Variants in BMP3 observed in about 807,000 individuals in gnomAD.
BMP3 encodes bone morphogenetic protein 3, also known as bone morphogenetic protein 3 (osteogenic).
Under a neutral mutation model 38.1 loss-of-function variants are expected in BMP3, and 23 were observed. The ratio of observed to expected loss-of-function variants is 0.60; its 90% CI spans 0.43 to 0.86. The LOEUF (loss-of-function observed/expected upper bound fraction) is 0.86. BMP3 is among the 40% of genes least tolerant of loss of function. The pLI is 0.00. For synonymous variants in BMP3, 258 were observed against 225.7 expected, an observed-to-expected ratio of 1.14 and a Z score of -1.28; for missense variants, 628 against 579.6, an observed-to-expected ratio of 1.08 and a Z score of -0.86.
rs914239831 is a variant in BMP3, at chr4:81,030,992, C to G, written c.-293C>G. 8 of 419,910 alleles carry G rather than the reference C, an allele frequency of 1.9e-5. No individual in the cohort carries two copies. Among genetic ancestry groups the G allele is most frequent in the Non-Finnish European group, 3.0e-5 (7 of 236,566 alleles). The allele number at this position is 419,910 out of a possible 1,614,324, so 26.0% of individuals were successfully genotyped here. ...ATCTTGAAAACACCCGGGCCACACA[C>G]GCCGCGACCTACAGCTCTTTCTCAG... On this transcript the variant is annotated 5_prime_UTR_variant, in exon 1 of 3. Transcript: ENST00000282701.
In BMP3 at chr4:81,054,894, C is replaced by T. The variant is rs1298309115; in HGVS notation, c.*1358C>T. Reference sequence around the variant, plus strand: ...CTGTGGTTAATCCTCATTTTAGTTCCGTCTTATCTGATACTTAGAAATATC... The same window carrying T: ...CTGTGGTTAATCCTCATTTTAGTTCTGTCTTATCTGATACTTAGAAATATC... On this transcript the variant is annotated 3_prime_UTR_variant, in exon 3 of 3. Coordinates refer to ENST00000282701, the MANE Select transcript of BMP3 (RefSeq NM_001201.5). 3.9e-5 allele frequency: 6 copies of T among 152,244 alleles called. No individual in the cohort carries two copies. The East Asian group carries it at 9.6e-4, about 24-fold the overall frequency. The allele number at this position is 152,244 out of a possible 1,614,324, so 9.4% of individuals were successfully genotyped here.
intron 2 of BMP3, among the ~76,000 whole-genome samples, chr4:81,052,131 C>T (rs1740413058): frequency 6.6e-6 from 1 of 151,610 alleles, no homozygotes; most frequent in Non-Finnish European, 1.5e-5. Context: ...ATTAAAATAC[C>T]AATCCACTGG....
At chr4:81,047,467 A>G (rs941027233) in intron 2 of BMP3, among the ~76,000 whole-genome samples, 1 of 151,968 alleles carries the variant, frequency 6.6e-6, no homozygotes, top group Non-Finnish European at 1.5e-5. Context: ...ATAGTAAAAT[A>G]TAGTGGCACT....
At chr4:81,036,082 T>G (rs965142516) in intron 1 of BMP3, among the ~76,000 whole-genome samples, 4 of 152,052 alleles carry the variant, frequency 2.6e-5, no homozygotes, top group African/African-American at 9.7e-5. Flanking sequence ...TTTAGATATC[T>G]TCTGTCATTA....
chr4:81,032,216 A>AAAC (rs1739798348), intron 1 of BMP3, among the ~76,000 whole-genome samples: 1 of 141,554 alleles, frequency 7.1e-6, no homozygotes, highest in Admixed American at 7.0e-5. Flanking sequence ...AAAAAAAAAA[A>AAAC]AAAACAGGTG....
chr4:81,034,420 G>T (rs1432445784), intron 1 of BMP3, among the ~76,000 whole-genome samples: 1 of 152,118 alleles, frequency 6.6e-6, no homozygotes, highest in Non-Finnish European at 1.5e-5. Context: ...GGTTTAAGTT[G>T]TCTCTGGCTA....
At position 81,044,177 on chromosome 4, in the gene BMP3, A is replaced by C. The variant is rs151005681; in HGVS notation, c.317-1561A>C. Reference sequence around the variant, plus strand: ...ACCCTGTGTTTGTAGCCCGTAGGCTATACGTGCCTCAGATAAAAAGCTATT... The same window carrying C: ...ACCCTGTGTTTGTAGCCCGTAGGCTCTACGTGCCTCAGATAAAAAGCTATT... On this transcript the variant is annotated intron_variant, in intron 1 of 2. Coordinates refer to ENST00000282701, the MANE Select transcript of BMP3 (RefSeq NM_001201.5). 7.0e-3 allele frequency among the ~76,000 whole-genome samples: 1,073 copies of C among 152,286 alleles called. 31 individuals carry two copies. The highest frequency in any genetic ancestry group is 5.2e-3 in the Non-Finnish European group (356 of 68,022).
At chr4:81,046,710 C>A in intron 2 of BMP3, 62 bp downstream of exon 2, 2 of 1,522,062 alleles carry the variant, frequency 1.3e-6, no homozygotes, top group Admixed American at 2.0e-5. Context: ...GACACATTGA[C>A]TAAGTTAGTG....
Position 81,046,589 on chromosome 4 carries a change from TCCC to T in BMP3, c.1171_1173del (p.Pro391del). 1 of 1,613,956 alleles carries T rather than the reference TCCC, an allele frequency of 6.2e-7. No individual in the cohort carries two copies. Among genetic ancestry groups the T allele is most frequent in the Non-Finnish European group, 8.5e-7 (1 of 1,179,962 alleles). ...TATTGGCTGGAGTGAATGGATTATC[TCCC>T]CCAAGTCCTTTGATGCCTATTATTG... On this transcript the variant is annotated inframe_deletion, in exon 2 of 3. Coordinates refer to ENST00000282701, the MANE Select transcript of BMP3 (RefSeq NM_001201.5).
rs60606505 is a variant in BMP3 at position 81,053,601 on chromosome 4, GTTTTTTTT to G, written c.*78_*85del. 2.0e-5 allele frequency: 7 copies of G among 357,138 alleles called. No individual in the cohort carries two copies. The highest frequency in any genetic ancestry group is 1.1e-4 in the South Asian group (1 of 9,478). 22.1% of individuals were successfully genotyped at this position (357,138 alleles called of 1,614,324 possible). ...AGTTTATTTTTATGGACTTCTTCCT[GTTTTTTTT>G]TTTTTTTTTTTTGCACTGCCAATGC... is the stretch of plus-strand genomic sequence containing the variant. On this transcript the variant is annotated 3_prime_UTR_variant, in exon 3 of 3. Transcript: ENST00000282701.
At chr4:81,047,714 T>C (rs1740294336) in intron 2 of BMP3, among the ~76,000 whole-genome samples, 1 of 152,070 alleles carries the variant, frequency 6.6e-6, no homozygotes, top group Admixed American at 6.6e-5. Flanking sequence ...AAATAGCGTT[T>C]TCATGTTCTA....
intron 2 of BMP3, among the ~76,000 whole-genome samples, chr4:81,050,689 C>A (rs1238473831): frequency 6.6e-6 from 1 of 152,058 alleles, no homozygotes; most frequent in East Asian, 1.9e-4. Context: ...CAATTCTAAT[C>A]TCTGGTCATA....
chr4:81,032,747 C>G (rs1329300108), intron 1 of BMP3, among the ~76,000 whole-genome samples: 1 of 152,214 alleles, frequency 6.6e-6, no homozygotes, highest in East Asian at 1.9e-4. Flanking sequence ...TCAAGGAAAG[C>G]CCTGCATTGT....
rs530778206 is a variant in BMP3 at position 81,055,287 on chromosome 4, C to A, written c.*1751C>A. ...GGTTTAAGTGGTATTTTATTGCAAA[C>A]CCATTAAAAGAATAACTCATGAAAA... On this transcript the variant is annotated 3_prime_UTR_variant, in exon 3 of 3. Coordinates refer to ENST00000282701, the MANE Select transcript of BMP3 (RefSeq NM_001201.5). 2.6e-5 allele frequency: 4 copies of A among 152,200 alleles called. No homozygotes were observed. The South Asian group carries it at 8.3e-4, about 32-fold the overall frequency. 9.4% of individuals were successfully genotyped at this position (152,200 alleles called of 1,614,324 possible). A position where few individuals can be genotyped will look rare whatever the true frequency, so the allele number is the denominator to read the frequency against.
intron 1 of BMP3, among the ~76,000 whole-genome samples, chr4:81,042,269 G>C (rs1740098362): frequency 6.6e-6 from 1 of 152,132 alleles, no homozygotes; most frequent in Non-Finnish European, 1.5e-5. Flanking sequence ...TTGAATGTAA[G>C]TGGCTACATA....
chr4:81,040,865 C>CT (rs534803188), intron 1 of BMP3, among the ~76,000 whole-genome samples: 24 of 152,060 alleles, frequency 1.6e-4, no homozygotes, highest in Middle Eastern at 3.4e-3. Flanking sequence ...AAAATCCACC[C>CT]TTTTTTTTAT....
Position 81,053,494 on chromosome 4 carries a change from A to G in BMP3, c.1377A>G (p.Lys459=). 2 of 1,603,572 alleles carry G rather than the reference A, an allele frequency of 1.2e-6. No homozygotes were observed. The highest frequency in any genetic ancestry group is 1.7e-6 in the Non-Finnish European group (2 of 1,175,466). The change falls in exon 3 of 3, where the codon AAA becomes AAG. Residue 459 remains lysine, a synonymous_variant. Coordinates refer to ENST00000282701, the MANE Select transcript of BMP3 (RefSeq NM_001201.5). ...FFDENKNVVL[K]VYPNMTVESC... ...ATGAAAATAAGAATGTAGTGCTTAA[A>G]GTATACCCTAACATGACAGTAGAGT...
In BMP3 at chr4:81,031,408, G is replaced by A; in HGVS notation, c.124G>A (p.Ala42Thr). The change falls in exon 1 of 3, where the codon GCA becomes ACA. Residue 42 changes from alanine (A) to threonine (T), a missense_variant. Physicochemically the swap from Ala to Thr is moderately conservative, Grantham distance 58. Coordinates refer to ENST00000282701, the MANE Select transcript of BMP3 (RefSeq NM_001201.5). ...CAAAGCTGTGCCAGGTGACCGCACG[G>A]CAGGTGGTGGCCCGGACTCCGAGCT... ...LRKAVPGDRT[A>T]GGGPDSELQP... 19 of 1,613,710 alleles carry A rather than the reference G, an allele frequency of 1.2e-5. No individual in the cohort carries two copies. Among genetic ancestry groups the A allele is most frequent in the Non-Finnish European group, 1.5e-5 (18 of 1,179,882 alleles).
rs2109914061 is a variant in BMP3, at chr4:81,053,326, C to T, written c.1228-19C>T. The stretch of plus-strand genomic sequence containing the variant: ...AGTTCCACCTAACATATGTGTTCTT[C>T]TTTCATTTCTTTCTCTAGTCTTTGA... On this transcript the variant is annotated intron_variant, in intron 2 of 2. Coordinates refer to ENST00000282701, the MANE Select transcript of BMP3 (RefSeq NM_001201.5). 1.3e-6 allele frequency: 2 copies of T among 1,519,736 alleles called. No individual in the cohort carries two copies. Among genetic ancestry groups the T allele is most frequent in the South Asian group, 1.3e-5 (1 of 75,660 alleles). The allele number at this position is 1,519,736 out of a possible 1,614,324, so 94.1% of individuals were successfully genotyped here.
Sources: allele counts gnomAD v4.1 joint callset (sites outside exome capture counted in the v4.1 genomes callset), GRCh38; gene constraint gnomAD v4.1.1; transcripts MANE v1.5; gene names NCBI Gene and HGNC (gene_info 2026-07-23, HGNC 2026-07-21).